EBF3: variants seen among roughly 807,000 people sequenced by gnomAD.
EBF3 encodes transcription factor COE3.
A neutral mutation model predicts 77.1 loss-of-function variants in EBF3; 18 were observed. That is an observed-to-expected ratio of 0.23 (90% CI 0.16 to 0.35). The LOEUF is 0.35. Ranked by LOEUF, EBF3 falls within the 10% of genes least tolerant of loss-of-function variation. The pLI, the probability that EBF3 is intolerant of heterozygous loss-of-function variation, is 1.00. For synonymous variants in EBF3, 350 were observed against 343.5 expected (o/e 1.02, Z -0.21); for missense variants, 558 against 860.0 (o/e 0.65, Z 4.39).
At chr10:129,936,440 G>A (rs1349336373) in intron 6 of EBF3, among the ~76,000 whole-genome samples, 4 of 152,230 alleles carry the variant, frequency 2.6e-5, no homozygotes, top group African/African-American at 4.8e-5. Context: ...GCTGAGGGAT[G>A]GGAGAGGCCC....
intron 6 of EBF3, among the ~76,000 whole-genome samples, chr10:129,882,261 A>G (rs1853262023): frequency 6.6e-6 from 1 of 152,234 alleles, no homozygotes; most frequent in Admixed American, 6.5e-5. Context: ...TAAATTCTAC[A>G]TGGGTATTGT....
chr10:129,905,047 C>T (rs910492726), intron 6 of EBF3, among the ~76,000 whole-genome samples: 1 of 152,274 alleles, frequency 6.6e-6, no homozygotes, highest in Non-Finnish European at 1.5e-5. Flanking sequence ...GGGATGAGTT[C>T]GTCCCACTAG....
At chr10:129,849,321 A>T (rs1032839429) in intron 10 of EBF3, among the ~76,000 whole-genome samples, 1 of 152,236 alleles carries the variant, frequency 6.6e-6, no homozygotes, top group African/African-American at 2.4e-5. Flanking sequence ...TTACTTCTTG[A>T]TGTAGATGGC....
intron 8 of EBF3, among the ~76,000 whole-genome samples, chr10:129,871,895 G>C (rs1348482400): frequency 1.3e-5 from 2 of 152,176 alleles, no homozygotes; most frequent in African/African-American, 2.4e-5. Flanking sequence ...TGGTTTAAAT[G>C]TCGAGAAACA....
chr10:129,954,410 CT>C (rs1428237847), intron 6 of EBF3, among the ~76,000 whole-genome samples: 3 of 147,962 alleles, frequency 2.0e-5, no homozygotes, highest in South Asian at 2.1e-4. Context: ...AACAGCCTCA[CT>C]TCCCCCCCCC....
chr10:129,867,333 T>C, intron 9 of EBF3, 66 bp from the exon 10 acceptor site: 3 of 1,593,480 alleles, frequency 1.9e-6, no homozygotes, highest in East Asian at 2.3e-5. Context: ...CACTTGCCAG[T>C]TGGATATAAT....
At chr10:129,957,187 G>T in intron 6 of EBF3, 71 bp downstream of exon 6, 1 of 1,415,800 alleles carries the variant, frequency 7.1e-7, no homozygotes, top group Non-Finnish European at 9.8e-7. Context: ...GGAGCAACTG[G>T]AAACCAAGCA....
At position 129,870,308 on chromosome 10, in the gene EBF3, C is replaced by T. The variant is rs757973495; in HGVS notation, c.782-2396G>A. Among the ~76,000 whole-genome samples the T allele has an allele frequency of 3.9e-5, 6 of 151,982 alleles. No individual in the cohort carries two copies. The highest frequency in any genetic ancestry group is 1.9e-4 in the East Asian group (1 of 5,164). The stretch of plus-strand genomic sequence containing the variant: ...ACAGCGTTAGAGATCTAATGATATA[C>T]GCGCACAATACACTCAAGCAGATGA... On this transcript the variant is annotated intron_variant, in intron 8 of 16. Transcript: ENST00000440978. This position sits in a 1 kb window ranked among gnomAD's most constrained non-coding sequence, Gnocchi z 4.4.
rs776283034 is a variant in EBF3 at position 129,841,007 on chromosome 10, G to A, written c.1398C>T (p.Ser466=). 1.1e-5 allele frequency: 17 copies of A among 1,608,174 alleles called. No individual in the cohort carries two copies. The highest frequency in any genetic ancestry group is 1.7e-5 in the Admixed American group (1 of 59,220). Residue 466 remains serine, a synonymous_variant, in exon 14 of 17, where the codon AGC becomes AGT. Transcript: ENST00000440978. The surrounding 1 kb of genome is among the most constrained non-coding windows in gnomAD (Gnocchi z 4.6). The part of the protein sequence containing the change: ...DQVGYSRNTS[S]VSPRGYVPSS... ...TGGGGACGTAGCCTCGCGGGGACACGCTGCTTGTATTGCGACTGTAGCCGA... is the reference window on the plus strand; with the variant it reads ...TGGGGACGTAGCCTCGCGGGGACACACTGCTTGTATTGCGACTGTAGCCGA...
chr10:129,871,078 T>G (rs1852373134), intron 8 of EBF3, among the ~76,000 whole-genome samples: 1 of 152,224 alleles, frequency 6.6e-6, no homozygotes, highest in African/African-American at 2.4e-5. Flanking sequence ...TCTGTTCGCT[T>G]TAACTCGCTA....
chr10:129,942,266 C>G (rs897554371), intron 6 of EBF3, among the ~76,000 whole-genome samples: 10 of 152,282 alleles, frequency 6.6e-5, no homozygotes, highest in Middle Eastern at 3.4e-3. Flanking sequence ...AAACATCTTT[C>G]TAGGGTGGTC....
chr10:129,842,027 T>G lies in EBF3; in HGVS notation c.1372+89A>C. The stretch of plus-strand genomic sequence containing the variant: ...CAGAACGCTACGGACATTCCCCAGC[T>G]GGCCCTGGACACGTGCCTCTTCAGC... On this transcript the variant is annotated intron_variant, in intron 13 of 16. Coordinates refer to ENST00000440978, the MANE Select transcript of EBF3 (RefSeq NM_001375380.1). The surrounding 1 kb of genome is among the most constrained non-coding windows in gnomAD (Gnocchi z 4.4). 1 of 1,539,046 alleles carries G rather than the reference T, an allele frequency of 6.5e-7. No individual in the cohort carries two copies. Among genetic ancestry groups the G allele is most frequent in the South Asian group, 1.2e-5 (1 of 85,204 alleles).
At chr10:129,898,446 A>G (rs1262186517) in intron 6 of EBF3, among the ~76,000 whole-genome samples, 1 of 152,182 alleles carries the variant, frequency 6.6e-6, no homozygotes, top group African/African-American at 2.4e-5. Flanking sequence ...CAACAATGGG[A>G]TATCGGTGGG....
chr10:129,909,983 T>C (rs1855408357), intron 6 of EBF3, among the ~76,000 whole-genome samples: 1 of 152,198 alleles, frequency 6.6e-6, no homozygotes, highest in Non-Finnish European at 1.5e-5. Flanking sequence ...TGTCAGGGGC[T>C]CGGGCTCTGC....
chr10:129,939,655 C>T (rs1857594614), intron 6 of EBF3, among the ~76,000 whole-genome samples: 1 of 152,208 alleles, frequency 6.6e-6, no homozygotes, highest in South Asian at 2.1e-4. Flanking sequence ...CATCATTCTG[C>T]TCCTCTGCTA....
At chr10:129,962,355 TTTGAAAGGGAGAAAGA>T in intron 3 of EBF3, 129 bp from the exon 4 acceptor site, 1 of 772,334 alleles carries the variant, frequency 1.3e-6, no homozygotes, top group Non-Finnish European at 2.2e-6. Flanking sequence ...AGGCAATCCC[TTTGAAAGGGAGAAAGA>T]GAACCCCACC....
rs142398677 is a variant in EBF3 at position 129,915,783 on chromosome 10, A to T, written c.555-37934T>A. Reference sequence around the variant, plus strand: ...GGCTTGTGCTTTTTCCGTTTTGTCTAGAAATTTGGGTTGCACTAAATTCTC... The same window carrying T: ...GGCTTGTGCTTTTTCCGTTTTGTCTTGAAATTTGGGTTGCACTAAATTCTC... On this transcript the variant is annotated intron_variant, in intron 6 of 16. Coordinates refer to ENST00000440978, the MANE Select transcript of EBF3 (RefSeq NM_001375380.1). 3.0e-3 allele frequency among the ~76,000 whole-genome samples: 456 copies of T among 152,258 alleles called. 3 individuals are homozygous for T. Among genetic ancestry groups the T allele is most frequent in the African/African-American group, 0.01 (426 of 41,546 alleles).
At chr10:129,925,509 T>C (rs993066351) in intron 6 of EBF3, among the ~76,000 whole-genome samples, 1 of 151,318 alleles carries the variant, frequency 6.6e-6, no homozygotes, top group Non-Finnish European at 1.5e-5. Context: ...GGAGAATCAC[T>C]TGGACCCGGG....
At chr10:129,917,651 CAAAAAAAAAAAAAAAA>C (rs71481019) in intron 6 of EBF3, among the ~76,000 whole-genome samples, 1 of 23,596 alleles carries the variant, frequency 4.2e-5, no homozygotes, top group African/African-American at 1.9e-4. Flanking sequence ...GACCCTGCCT[CAAAAAAAAAAAAAAAA>C]AAAAAAAAAA....
Sources: allele counts gnomAD v4.1 joint callset (sites outside exome capture counted in the v4.1 genomes callset), GRCh38; gene constraint gnomAD v4.1.1; non-coding constraint Gnocchi (gnomAD v3.1); transcripts MANE v1.5; gene names NCBI Gene and HGNC (gene_info 2026-07-23, HGNC 2026-07-21).